The following YIPF7 variants were observed in gnomAD, a reference collection of about 807,000 sequenced individuals.
YIPF7 encodes protein YIPF7.
A neutral mutation model predicts 27.2 loss-of-function variants in YIPF7; 35 were observed. The observed-to-expected ratio is 1.29, with a 90% CI of 0.98 to 1.70. YIPF7 has a LOEUF of 1.70. YIPF7 is among the 40% of genes most tolerant of loss of function. The pLI is 0.00. For synonymous variants in YIPF7, 137 were observed against 110.4 expected (o/e 1.24, Z -1.51); for missense variants, 358 against 303.7 (o/e 1.18, Z -1.33).
intron 2 of YIPF7, among the ~76,000 whole-genome samples, chr4:44,638,015 TC>T (rs2109588262): frequency 6.6e-6 from 1 of 151,940 alleles, no homozygotes; most frequent in Admixed American, 6.6e-5. Context: ...AAAATTCCCA[TC>T]AAAAAGTGGG....
intron 2 of YIPF7, among the ~76,000 whole-genome samples, chr4:44,643,922 C>A (rs1283891732): frequency 6.6e-6 from 1 of 152,006 alleles, no homozygotes; most frequent in Admixed American, 6.6e-5. Flanking sequence ...AGGGGTGGAG[C>A]CCTCATGGAA....
chr4:44,641,552 G>A (rs1025524782), intron 2 of YIPF7, among the ~76,000 whole-genome samples: 2 of 152,098 alleles, frequency 1.3e-5, no homozygotes, highest in East Asian at 3.9e-4. Flanking sequence ...TACAGTCCAA[G>A]GTTCTGAACT....
intron 2 of YIPF7, among the ~76,000 whole-genome samples, chr4:44,636,676 C>A (rs897326996): frequency 2.0e-5 from 3 of 151,832 alleles, no homozygotes; most frequent in African/African-American, 7.3e-5. Flanking sequence ...TCAGTTGTAG[C>A]CATTCCAAGA....
intron 3 of YIPF7, among the ~76,000 whole-genome samples, chr4:44,632,349 C>A (rs115074292): frequency 6.6e-6 from 1 of 152,044 alleles, no homozygotes; most frequent in South Asian, 2.1e-4. Context: ...AATTAAGATC[C>A]CTACTTTCTA....
chr4:44,643,400 G>T (rs1157958722), intron 2 of YIPF7, among the ~76,000 whole-genome samples: 4 of 152,150 alleles, frequency 2.6e-5, no homozygotes, highest in Admixed American at 2.0e-4. Flanking sequence ...GCAAAGAAAT[G>T]ATCTGAAACT....
intron 2 of YIPF7, among the ~76,000 whole-genome samples, chr4:44,644,526 A>C (rs577920741): frequency 3.3e-5 from 5 of 152,210 alleles, no homozygotes; most frequent in African/African-American, 1.2e-4. Flanking sequence ...TTTTTGGCCA[A>C]TTTATCCCTT....
chr4:44,634,086 T>A (rs1332483461), intron 3 of YIPF7, among the ~76,000 whole-genome samples: 2 of 152,204 alleles, frequency 1.3e-5, no homozygotes, highest in Admixed American at 6.5e-5. Flanking sequence ...CAAAGATGGT[T>A]TCCTATGATG....
intron 2 of YIPF7, among the ~76,000 whole-genome samples, chr4:44,644,142 G>A (rs1713440200): frequency 6.6e-6 from 1 of 152,258 alleles, no homozygotes; most frequent in African/African-American, 2.4e-5. Context: ...AAAGCCACAG[G>A]GTTGATGCTG....
intron 2 of YIPF7, among the ~76,000 whole-genome samples, chr4:44,641,401 T>A (rs1344466450): frequency 6.6e-6 from 1 of 152,174 alleles, no homozygotes; most frequent in Non-Finnish European, 1.5e-5. Flanking sequence ...TGCCAAGCCA[T>A]AATACCTCTT....
rs1269215421 is a variant in YIPF7, at chr4:44,622,439, A to T, written c.746T>A (p.Leu249His). 6.2e-7 allele frequency: 1 copy of T among 1,613,280 alleles called. No homozygotes were observed. Among genetic ancestry groups the T allele is most frequent in the East Asian group, 2.2e-5 (1 of 44,836 alleles). The change falls in exon 6 of 6, where the codon CTT (leucine) becomes CAT (histidine). Residue 249 changes from leucine (L) to histidine (H), a missense_variant. Coordinates refer to ENST00000415895, the MANE Select transcript of YIPF7 (RefSeq NM_182592.3). ...VAYPCAILYG[L>H]FALLTIF The stretch of plus-strand genomic sequence containing the variant: ...TTAGAAAATTGTTAGGAGGGCAAAA[A>T]GTCCATAAAGTATGGCACAAGGGTA...
Position 44,622,113 on chromosome 4 carries a change from T to C in YIPF7, c.*301A>G, listed in dbSNP as rs1712461298. ...TTTCCTTTTAGTAAACATATGAGTT[T>C]ATTTACTTACTTTTCTCAGAAATAC... On this transcript the variant is annotated 3_prime_UTR_variant, in exon 6 of 6. Transcript: ENST00000415895. 3.6e-6 allele frequency: 1 copy of C among 280,174 alleles called. No individual in the cohort carries two copies. The highest frequency in any genetic ancestry group is 4.9e-5 in the Admixed American group (1 of 20,564). The allele number at this position is 280,174 out of a possible 1,614,324, so 17.4% of individuals were successfully genotyped here.
At chr4:44,628,727 A>T (rs1408584997) in intron 4 of YIPF7, among the ~76,000 whole-genome samples, 3 of 152,116 alleles carry the variant, frequency 2.0e-5, no homozygotes, top group Non-Finnish European at 4.4e-5. Context: ...AACTTTACTT[A>T]GGTGGAAGTA....
At chr4:44,637,179 G>C (rs1713156397) in intron 2 of YIPF7, among the ~76,000 whole-genome samples, 1 of 151,872 alleles carries the variant, frequency 6.6e-6, no homozygotes, top group African/African-American at 2.4e-5. Context: ...TCATATCTTT[G>C]CTATTGTGAG....
At chr4:44,649,837 G>GA in intron 2 of YIPF7, 148 bp downstream of exon 2, 1 of 553,700 alleles carries the variant, frequency 1.8e-6, no homozygotes, top group Non-Finnish European at 3.2e-6. Flanking sequence ...TGCTTTCTTG[G>GA]ATTTTTTTTG....
upstream of YIPF7, among the ~76,000 whole-genome samples, chr4:44,651,814 T>G (rs1270597767): frequency 6.6e-6 from 1 of 152,246 alleles, no homozygotes; most frequent in African/African-American, 2.4e-5. Flanking sequence ...ATGGAAATTG[T>G]GGAAAGATAA....
intron 2 of YIPF7, among the ~76,000 whole-genome samples, chr4:44,658,321 A>G (rs1024028097): frequency 4.6e-5 from 7 of 152,162 alleles, no homozygotes; most frequent in African/African-American, 1.7e-4. Context: ...AACCTGGAAG[A>G]GGGCCCACAT....
intron 4 of YIPF7, among the ~76,000 whole-genome samples, chr4:44,627,345 T>A (rs1487787136): frequency 6.6e-6 from 1 of 152,212 alleles, no homozygotes; most frequent in Non-Finnish European, 1.5e-5. Context: ...AAGAATTGTG[T>A]CTTATGTCAA....
intron 2 of YIPF7, among the ~76,000 whole-genome samples, chr4:44,642,545 G>A (rs1170699750): frequency 1.3e-5 from 2 of 152,144 alleles, no homozygotes; most frequent in East Asian, 1.9e-4. Flanking sequence ...CAAAAAATCT[G>A]TAAATGATAT....
intron 2 of YIPF7, among the ~76,000 whole-genome samples, chr4:44,641,442 T>A (rs1398607867): frequency 6.6e-6 from 1 of 152,214 alleles, no homozygotes; most frequent in East Asian, 1.9e-4. Flanking sequence ...TTTTTATTCA[T>A]TTTAAGTTGT....
Sources: allele counts gnomAD v4.1 joint callset (sites outside exome capture counted in the v4.1 genomes callset), GRCh38; gene constraint gnomAD v4.1.1; transcripts MANE v1.5; gene names NCBI Gene and HGNC (gene_info 2026-07-23, HGNC 2026-07-21).